OR5V1: variants seen among roughly 807,000 people sequenced by gnomAD.
OR5V1 encodes olfactory receptor family 5 subfamily V member 1.
For synonymous variants in OR5V1, 134 were observed against 143.2 expected, an observed-to-expected ratio of 0.94 and a Z score of 0.46; for missense variants, 365 against 371.5, an observed-to-expected ratio of 0.98 and a Z score of 0.14.
rs781417159 is a variant in OR5V1 at position 29,355,239 on chromosome 6, G to A, written c.957C>T (p.Leu319=). The A allele has an allele frequency of 6.3e-7, 1 of 1,585,566 alleles. No individual in the cohort carries two copies. The highest frequency in any genetic ancestry group is 8.5e-7 in the Non-Finnish European group (1 of 1,170,214). Residue 319 remains leucine, a synonymous_variant, in exon 2 of 2, where the codon CTC becomes CTT. Transcript: ENST00000641768. ...QPPISSLDSK[L]TY is the part of the protein sequence containing the mutation. ...ATTGAACCTGTGAGGTTCAATAAGT[G>A]AGTTTACTATCCAAAGAGGAAATTG...
At chr6:29,360,684 G>A (rs1334917422) in intron 1 of OR5V1, among the ~76,000 whole-genome samples, 1 of 152,124 alleles carries the variant, frequency 6.6e-6, no homozygotes, top group Non-Finnish European at 1.5e-5. Context: ...CAGAAGAGGG[G>A]CCTGACTGGT....
intron 1 of OR5V1, among the ~76,000 whole-genome samples, chr6:29,365,351 A>G (rs928486700): frequency 2.0e-5 from 3 of 151,822 alleles, no homozygotes; most frequent in African/African-American, 4.8e-5. Context: ...AAAAACTATC[A>G]TCGGACTGAA....
chr6:29,365,973 C>A (rs1269647958), intron 1 of OR5V1, among the ~76,000 whole-genome samples: 2 of 152,032 alleles, frequency 1.3e-5, no homozygotes, highest in Non-Finnish European at 2.9e-5. Context: ...ACTATGCAGC[C>A]ATAAAAAAGA....
rs2151266614 is a variant in OR5V1 at position 29,354,042 on chromosome 6, AG to A, written c.*1187del. On this transcript the variant is annotated 3_prime_UTR_variant, in exon 2 of 2. Transcript: ENST00000641768. ...ACACTATGACAACATTACACAAAAG[AG>A]GGGCTGGGAAGTCAAGACTTAATCA... 6.6e-6 allele frequency: 1 copy of A among 152,144 alleles called. No individual in the cohort carries two copies. The highest frequency in any genetic ancestry group is 1.9e-4 in the East Asian group (1 of 5,172). The allele number at this position is 152,144 out of a possible 1,614,324, so 9.4% of individuals were successfully genotyped here. A position where few individuals can be genotyped will look rare whatever the true frequency, so the allele number is the denominator to read the frequency against.
Position 29,363,102 on chromosome 6 carries a change from A to C in OR5V1, c.-83+5530T>G, listed in dbSNP as rs146742761. Among the ~76,000 whole-genome samples the C allele has an allele frequency of 7.0e-3, 1,067 of 152,300 alleles. 9 individuals carry two copies. The highest frequency in any genetic ancestry group is 0.01 in the Non-Finnish European group (714 of 68,026). ...GAAGAATCAAATAGACACAATAAAAAATGGTAAAGGAGTTATCACCACTGA... is the reference window on the plus strand; with the variant it reads ...GAAGAATCAAATAGACACAATAAAACATGGTAAAGGAGTTATCACCACTGA... On this transcript the variant is annotated intron_variant, in intron 1 of 1. Transcript: ENST00000641768.
chr6:29,360,261 C>A (rs1025294134), intron 1 of OR5V1, among the ~76,000 whole-genome samples: 4 of 152,204 alleles, frequency 2.6e-5, no homozygotes, highest in Admixed American at 6.5e-5. Context: ...GCAGCAGTCC[C>A]AGTCAGGGGC....
intron 1 of OR5V1, among the ~76,000 whole-genome samples, chr6:29,358,767 A>G (rs9257772): frequency 0.018 from 2,774 of 152,304 alleles, 37 homozygotes; most frequent in East Asian, 0.032. Flanking sequence ...TTGAGGTAGA[A>G]AATAGAATGG....
At position 29,357,174 on chromosome 6, in the gene OR5V1, T is replaced by A. The variant is rs191721033; in HGVS notation, c.-82-897A>T. 6.7e-4 allele frequency among the ~76,000 whole-genome samples: 102 copies of A among 152,296 alleles called. 1 individual carries two copies. Among genetic ancestry groups the A allele is most frequent in the South Asian group, 2.1e-3 (10 of 4,822 alleles). On this transcript the variant is annotated intron_variant, in intron 1 of 1. Transcript: ENST00000641768. Reference sequence around the variant, plus strand: ...TATTTGGCTGGTGCAGGAATTAGTGTCTGTTTCAACAAATTATTGTTAAGT... The same window carrying A: ...TATTTGGCTGGTGCAGGAATTAGTGACTGTTTCAACAAATTATTGTTAAGT...
chr6:29,364,921 G>A (rs1287852204), intron 1 of OR5V1, among the ~76,000 whole-genome samples: 1 of 150,886 alleles, frequency 6.6e-6, no homozygotes, highest in Non-Finnish European at 1.5e-5. Context: ...CTGATATATA[G>A]ACCAATGGAA....
chr6:29,367,334 C>CTT (rs16718), intron 1 of OR5V1, among the ~76,000 whole-genome samples: 5,011 of 152,204 alleles, frequency 0.033, 104 homozygotes, highest in African/African-American at 0.05. Context: ...ATTTGTGTGA[C>CTT]ATATCACTTG....
chr6:29,359,377 G>A (rs1778462042), intron 1 of OR5V1, among the ~76,000 whole-genome samples: 1 of 152,144 alleles, frequency 6.6e-6, no homozygotes. Context: ...GACTTGCAGT[G>A]GTGTTATTGG....
chr6:29,355,493 G>T lies in OR5V1; in HGVS notation c.703C>A (p.Arg235=), dbSNP rs148190376. The part of the protein sequence containing the change: ...ILRIQSSEGR[R]KAFSTCASHL... Reference sequence around the variant, plus strand: ...GAGGCACATGTAGAGAAGGCTTTTCGTCTTCCCTCTGAGGACTGGATCCTC... The same window carrying T: ...GAGGCACATGTAGAGAAGGCTTTTCTTCTTCCCTCTGAGGACTGGATCCTC... The change falls in exon 2 of 2, where the codon CGA becomes AGA. Residue 235 remains arginine (R), a synonymous_variant. Coordinates refer to ENST00000641768, the MANE Select transcript of OR5V1 (RefSeq NM_030876.6). The T allele has an allele frequency of 1.2e-6, 2 of 1,613,962 alleles. No individual in the cohort carries two copies. Among genetic ancestry groups the T allele is most frequent in the Non-Finnish European group, 1.7e-6 (2 of 1,179,910 alleles).
intron 1 of OR5V1, among the ~76,000 whole-genome samples, chr6:29,362,785 A>G (rs572444404): frequency 6.6e-6 from 1 of 152,214 alleles, no homozygotes; most frequent in Non-Finnish European, 1.5e-5. Flanking sequence ...AATCTCAGGG[A>G]CACAGCTAGA....
rs529474680 is a variant in OR5V1 at position 29,366,734 on chromosome 6, C to G, written c.-83+1898G>C. ...AAATAAGGGGCCCCATTTTTCTTGC[C>G]AGACCATTCCTCATGAGAAAAGCTA... is the stretch of plus-strand genomic sequence containing the variant. On this transcript the variant is annotated intron_variant, in intron 1 of 1. Coordinates refer to ENST00000641768, the MANE Select transcript of OR5V1 (RefSeq NM_030876.6). Among the ~76,000 whole-genome samples the G allele has an allele frequency of 2.0e-5, 3 of 152,202 alleles. No homozygotes were observed. The South Asian group carries it at 6.2e-4, about 32-fold the overall frequency.
At chr6:29,364,777 G>A (rs1206389044) in intron 1 of OR5V1, among the ~76,000 whole-genome samples, 1 of 23,664 alleles carries the variant, frequency 4.2e-5, no homozygotes, top group African/African-American at 1.2e-4. Context: ...CAGCCTGGGC[G>A]ACAGAGCGAG....
At chr6:29,356,524 G>A (rs900066305) in intron 1 of OR5V1, among the ~76,000 whole-genome samples, 28 of 152,064 alleles carry the variant, frequency 1.8e-4, no homozygotes, top group African/African-American at 5.8e-4. Flanking sequence ...CATGCTCACC[G>A]GCATTTTCTT....
intron 1 of OR5V1, among the ~76,000 whole-genome samples, chr6:29,360,578 A>G (rs1312408206): frequency 6.6e-6 from 1 of 152,218 alleles, no homozygotes; most frequent in Non-Finnish European, 1.5e-5. Flanking sequence ...CCAGAGGAAG[A>G]AGCAGGCAGT....
At position 29,355,572 on chromosome 6, in the gene OR5V1, C is replaced by G; in HGVS notation, c.624G>C (p.Trp208Cys). ...AAAGTACGATACAAAGGAAAGGAGT[C>G]CAACCAATGAAGACCCCAGTGGATA... Reference protein sequence around the residue: ...ALLSTGVFIGWTPFLCIVLSY... With the variant: ...ALLSTGVFIGCTPFLCIVLSY... The change falls in exon 2 of 2, where the codon TGG becomes TGC. Residue 208 changes from tryptophan to cysteine, a missense_variant. By Grantham distance (215) the Trp-to-Cys change is radical. Coordinates refer to ENST00000641768, the MANE Select transcript of OR5V1 (RefSeq NM_030876.6). 2 of 1,613,940 alleles carry G rather than the reference C, an allele frequency of 1.2e-6. No individual in the cohort carries two copies. The highest frequency in any genetic ancestry group is 2.2e-5 in the East Asian group (1 of 44,884).
chr6:29,356,769 A>G (rs1778331527), intron 1 of OR5V1, among the ~76,000 whole-genome samples: 2 of 152,188 alleles, frequency 1.3e-5, no homozygotes, highest in African/African-American at 4.8e-5. Flanking sequence ...GAAAATCTCT[A>G]TTAATGATTT....
Sources: gnomAD v4.1 joint callset for allele counts (sites outside exome capture counted in the v4.1 genomes callset) on GRCh38, gnomAD v4.1.1 for gene constraint, MANE v1.5 for transcripts, NCBI Gene and HGNC (gene_info 2026-07-23, HGNC 2026-07-21) for gene names.